The following MTSS1 variants were observed in gnomAD, a reference collection of about 807,000 sequenced individuals.
The protein encoded by MTSS1 is MTSS I-BAR domain containing 1.
In MTSS1, 18 loss-of-function variants were observed where a neutral mutation model predicts 79.0. That is an observed-to-expected ratio of 0.23 (90% CI 0.16 to 0.34). The LOEUF (loss-of-function observed/expected upper bound fraction) is 0.34. Among genes scored for constraint, MTSS1 ranks in the 10% least tolerant of loss-of-function variants. The pLI is 1.00. For missense variants in MTSS1, 815 were observed against 986.2 expected, an observed-to-expected ratio of 0.83 and a Z score of 2.33; for synonymous variants, 341 against 368.6, an observed-to-expected ratio of 0.93 and a Z score of 0.86.
At chr8:124,598,410 C>A (rs1342898916) in intron 3 of MTSS1, among the ~76,000 whole-genome samples, 3 of 152,192 alleles carry the variant, frequency 2.0e-5, no homozygotes, top group Non-Finnish European at 4.4e-5. Context: ...CAAGTCATGA[C>A]AACTAGAAAT....
chr8:124,612,574 ATGTGTG>A (rs58367314), intron 3 of MTSS1, among the ~76,000 whole-genome samples: 6,737 of 99,530 alleles, frequency 0.068, 240 homozygotes, highest in East Asian at 0.1. Context: ...CAAGTTTAAA[ATGTGTG>A]TGTGTGTGTG....
intron 2 of MTSS1, among the ~76,000 whole-genome samples, chr8:124,701,265 A>G (rs897282453): frequency 6.6e-6 from 1 of 152,156 alleles, no homozygotes; most frequent in Non-Finnish European, 1.5e-5. Flanking sequence ...AAAAAGAAAG[A>G]AAAAGGGAAA....
At chr8:124,670,105 T>C (rs577269330) in intron 3 of MTSS1, among the ~76,000 whole-genome samples, 3 of 152,272 alleles carry the variant, frequency 2.0e-5, no homozygotes, top group South Asian at 2.1e-4. Flanking sequence ...AAGAATTTCA[T>C]AGAATTCTAA....
At chr8:124,695,868 T>TTTG (rs1443525848) in intron 3 of MTSS1, among the ~76,000 whole-genome samples, 3 of 63,798 alleles carry the variant, frequency 4.7e-5, no homozygotes, top group Non-Finnish European at 1.2e-4. Context: ...ACTAGTGTTG[T>TTTG]TTTTTTTTTT....
chr8:124,689,727 C>T (rs1293732423), intron 3 of MTSS1, among the ~76,000 whole-genome samples: 1 of 127,742 alleles, frequency 7.8e-6, no homozygotes, highest in East Asian at 2.3e-4. Flanking sequence ...GCCTGGGCAA[C>T]GAGAGTGAAA....
chr8:124,591,068 A>T, intron 4 of MTSS1, 83 bp downstream of exon 4: 1 of 1,141,890 alleles, frequency 8.8e-7, no homozygotes, highest in Non-Finnish European at 1.3e-6. Context: ...TGGGGATTTA[A>T]ATGCTGTGTG....
chr8:124,640,482 A>C (rs1193535783), intron 3 of MTSS1, among the ~76,000 whole-genome samples: 4 of 152,168 alleles, frequency 2.6e-5, no homozygotes, highest in African/African-American at 9.7e-5. Flanking sequence ...GCAATGTCAG[A>C]TTTCAGGTTC....
intron 3 of MTSS1, among the ~76,000 whole-genome samples, chr8:124,602,351 T>A (rs986341121): frequency 6.6e-6 from 1 of 151,374 alleles, no homozygotes; most frequent in Non-Finnish European, 1.5e-5. Flanking sequence ...AAGTGTGCAC[T>A]ACTACACCTG....
intron 3 of MTSS1, among the ~76,000 whole-genome samples, chr8:124,637,313 C>G (rs187602988): frequency 1.4e-4 from 22 of 152,286 alleles, no homozygotes; most frequent in African/African-American, 5.3e-4. Context: ...GGAGTGGTAA[C>G]TAGAGAGGGA....
intron 3 of MTSS1, among the ~76,000 whole-genome samples, chr8:124,601,192 C>G (rs368829136): frequency 1.3e-4 from 19 of 151,524 alleles, no homozygotes; most frequent in African/African-American, 4.6e-4. Flanking sequence ...ACCCGAGTAC[C>G]TGAGATTATA....
At chr8:124,681,060 A>C (rs1218435447) in intron 3 of MTSS1, among the ~76,000 whole-genome samples, 12 of 152,226 alleles carry the variant, frequency 7.9e-5, no homozygotes, top group Non-Finnish European at 1.8e-4. Context: ...GTCCCCCAGC[A>C]TGAAAGAGAC....
At chr8:124,556,023 G>A in intron 12 of MTSS1, 119 bp from the exon 13 acceptor site, 1 of 1,544,644 alleles carries the variant, frequency 6.5e-7, no homozygotes, top group Non-Finnish European at 8.7e-7. Context: ...GACTTGCTTG[G>A]GTCCCACTCT....
intron 3 of MTSS1, among the ~76,000 whole-genome samples, chr8:124,629,505 C>CAAAAAAAAAAAAAAAAA (rs982816199): frequency 4.8e-5 from 3 of 62,212 alleles, no homozygotes; most frequent in African/African-American, 1.0e-4. Flanking sequence ...GACTCCGTCT[C>CAAAAAAAAAAAAAAAAA]AAAAAAAAAA....
chr8:124,712,697 G>C (rs1272094542), intron 1 of MTSS1, among the ~76,000 whole-genome samples: 3 of 152,168 alleles, frequency 2.0e-5, no homozygotes, highest in African/African-American at 7.2e-5. Context: ...CCATCAAGCG[G>C]ATGACAGCCT....
chr8:124,674,869 A>G (rs1048365053), intron 3 of MTSS1, among the ~76,000 whole-genome samples: 2 of 151,936 alleles, frequency 1.3e-5, no homozygotes, highest in Non-Finnish European at 2.9e-5. Context: ...TTACAGGCGC[A>G]TGTCACCATG....
intron 5 of MTSS1, among the ~76,000 whole-genome samples, chr8:124,588,220 T>C (rs1348229239): frequency 6.6e-6 from 1 of 152,170 alleles, no homozygotes; most frequent in Non-Finnish European, 1.5e-5. Context: ...ACCATCCCCA[T>C]AGTCACAAAG....
intron 10 of MTSS1, chr8:124,558,613 T>G: frequency 1.4e-6 from 2 of 1,400,558 alleles, no homozygotes; most frequent in East Asian, 2.6e-5. Context: ...TTGGTGTCGA[T>G]TCTGAGCTTC....
At chr8:124,673,188 C>A (rs1003121024) in intron 3 of MTSS1, 7 of 152,022 alleles carry the variant, frequency 4.6e-5, no homozygotes, top group African/African-American at 1.7e-4. Flanking sequence ...AATAAGAGAC[C>A]ACACTCACTT....
At chr8:124,649,716 G>A (rs915010514) in intron 3 of MTSS1, among the ~76,000 whole-genome samples, 2 of 152,066 alleles carry the variant, frequency 1.3e-5, no homozygotes, top group African/African-American at 4.8e-5. Flanking sequence ...CTATGACCTC[G>A]AAAAGATCAT....
Sources: gnomAD v4.1 joint callset for allele counts (sites outside exome capture counted in the v4.1 genomes callset) on GRCh38, gnomAD v4.1.1 for gene constraint, MANE v1.5 for transcripts, NCBI Gene and HGNC (gene_info 2026-07-23, HGNC 2026-07-21) for gene names.